MYO3A: variants seen among roughly 807,000 people sequenced by gnomAD.
MYO3A encodes the protein myosin-IIIa.
Under a neutral mutation model 192.7 loss-of-function variants are expected in MYO3A, and 180 were observed. The ratio of observed to expected loss-of-function variants is 0.93; its 90% confidence interval spans 0.83 to 1.06. The LOEUF is 1.06. Ranked by LOEUF, MYO3A falls within the 50% of genes least tolerant of loss-of-function variation. The probability of loss-of-function intolerance (pLI) is 0.00; values close to 1 mark genes in which losing one functional copy is unlikely to be tolerated. For missense variants in MYO3A, 1,896 were observed against 1,905.0 expected, an observed-to-expected ratio of 1.00 and a Z score of 0.09; for synonymous variants, 628 against 645.3, an observed-to-expected ratio of 0.97 and a Z score of 0.41.
intron 4 of MYO3A, among the ~76,000 whole-genome samples, chr10:25,994,063 A>G (rs1192232288): frequency 2.0e-5 from 3 of 152,016 alleles, no homozygotes; most frequent in Non-Finnish European, 4.4e-5. Flanking sequence ...ATTCCTGGAT[A>G]TCCTTGTTAA....
At position 25,992,885 on chromosome 10, in the gene MYO3A, T is replaced by C. The variant is rs575776398; in HGVS notation, c.304-3605T>C. ...ACTTGATCATAGTGGATAAGCTTTT[T>C]GATGTGCTGCTGGATTCGGTTTGCC... is the stretch of plus-strand genomic sequence containing the variant. On this transcript the variant is annotated intron_variant, in intron 4 of 34. Transcript: ENST00000642920. 5.9e-5 allele frequency among the ~76,000 whole-genome samples: 9 copies of C among 152,352 alleles called. No homozygotes were observed. In the South Asian group the frequency reaches 1.9e-3, roughly 32 times the overall value.
At chr10:26,000,969 G>A (rs1022241218) in intron 6 of MYO3A, among the ~76,000 whole-genome samples, 4 of 152,180 alleles carry the variant, frequency 2.6e-5, no homozygotes, top group Admixed American at 6.5e-5. Flanking sequence ...TGGCTGGAGA[G>A]AGAGAGTGAT....
intron 10 of MYO3A, among the ~76,000 whole-genome samples, chr10:26,040,265 A>G (rs1317687379): frequency 7.2e-5 from 11 of 152,024 alleles, no homozygotes; most frequent in Non-Finnish European, 1.2e-4. Flanking sequence ...CTGATTTTCA[A>G]TGTGAAAATA....
At chr10:26,002,678 G>GATAATCAGAATGAGTCAGGGTGGAC (rs1564448527) in intron 6 of MYO3A, among the ~76,000 whole-genome samples, 16 of 129,628 alleles carry the variant, frequency 1.2e-4, no homozygotes, top group African/African-American at 5.9e-4. Flanking sequence ...TCAGGGTGGA[G>GATAATCAGAATGAGTCAGGGTGGAC]CAGGTGATTG....
intron 33 of MYO3A, 87 bp downstream of exon 33, chr10:26,201,392 T>A: frequency 9.2e-7 from 1 of 1,082,554 alleles, no homozygotes; most frequent in Non-Finnish European, 1.3e-6. Context: ...TAAAATCACC[T>A]ATTTTAGGCC....
intron 6 of MYO3A, among the ~76,000 whole-genome samples, chr10:25,998,601 A>G (rs901660171): frequency 2.0e-5 from 3 of 152,114 alleles, no homozygotes; most frequent in Admixed American, 1.3e-4. Context: ...AGGAGGGGCC[A>G]TTATTCTCTC....
chr10:26,015,368 T>G (rs1427408175), intron 6 of MYO3A, among the ~76,000 whole-genome samples: 1 of 152,188 alleles, frequency 6.6e-6, no homozygotes, highest in African/African-American at 2.4e-5. Flanking sequence ...AAGATGATTT[T>G]CCTAATCTTC....
At chr10:25,942,443 C>A (rs1588629843) in intron 2 of MYO3A, among the ~76,000 whole-genome samples, 3 of 152,260 alleles carry the variant, frequency 2.0e-5, no homozygotes, top group Admixed American at 6.5e-5. Flanking sequence ...TGATTGAATT[C>A]TTTGGCTTAT....
At chr10:25,968,210 GA>G (rs1838382038) in intron 4 of MYO3A, among the ~76,000 whole-genome samples, 1 of 152,154 alleles carries the variant, frequency 6.6e-6, no homozygotes, top group African/African-American at 2.4e-5. Flanking sequence ...TCATAGATAA[GA>G]ATGGCCACTG....
chr10:25,969,673 G>A (rs150936993), intron 4 of MYO3A, among the ~76,000 whole-genome samples: 5 of 152,130 alleles, frequency 3.3e-5, no homozygotes, highest in South Asian at 4.1e-4. Flanking sequence ...AAGAAGAGAC[G>A]AATAGAAACA....
intron 17 of MYO3A, among the ~76,000 whole-genome samples, chr10:26,110,651 A>G (rs1259841924): frequency 7.9e-5 from 12 of 152,166 alleles, no homozygotes; most frequent in Admixed American, 2.0e-4. Flanking sequence ...AGAGATCACT[A>G]AGCATTTAGA....
intron 34 of MYO3A, among the ~76,000 whole-genome samples, chr10:26,210,533 C>T (rs879677214): frequency 1.4e-4 from 22 of 152,190 alleles, no homozygotes; most frequent in Admixed American, 1.2e-3. Context: ...AAGCCACTAT[C>T]GGTCTTGCTT....
At chr10:26,136,721 C>G (rs894491086) in intron 20 of MYO3A, among the ~76,000 whole-genome samples, 2 of 152,146 alleles carry the variant, frequency 1.3e-5, no homozygotes, top group African/African-American at 4.8e-5. Flanking sequence ...AATAAAAACA[C>G]ACTAAGTACA....
At chr10:26,085,200 G>A (rs1836231402) in intron 14 of MYO3A, among the ~76,000 whole-genome samples, 1 of 151,484 alleles carries the variant, frequency 6.6e-6, no homozygotes, top group Admixed American at 6.6e-5. Context: ...TTTCAAAAAT[G>A]AAACTCATTT....
At chr10:26,063,102 A>T (rs1834612680) in intron 10 of MYO3A, among the ~76,000 whole-genome samples, 2 of 152,136 alleles carry the variant, frequency 1.3e-5, no homozygotes, top group Admixed American at 1.3e-4. Flanking sequence ...AGTGGAGGGA[A>T]AATTCTAATC....
At chr10:26,188,194 T>C (rs1387017768) in intron 31 of MYO3A, among the ~76,000 whole-genome samples, 10 of 152,228 alleles carry the variant, frequency 6.6e-5, no homozygotes, top group Non-Finnish European at 1.5e-4. Context: ...CTAACTGGCG[T>C]GAGGTGGTAT....
intron 6 of MYO3A, among the ~76,000 whole-genome samples, chr10:26,007,833 AT>A (rs1399773843): frequency 1.3e-3 from 201 of 152,002 alleles, no homozygotes; most frequent in African/African-American, 4.7e-3. Flanking sequence ...ATTCATTGCC[AT>A]CCCCATCAAG....
intron 6 of MYO3A, among the ~76,000 whole-genome samples, chr10:26,015,280 C>T (rs912318856): frequency 1.3e-5 from 2 of 152,068 alleles, no homozygotes; most frequent in South Asian, 2.1e-4. Flanking sequence ...GAATTTTCCA[C>T]CCATCAGCAG....
chr10:26,026,510 A>T lies in MYO3A; in HGVS notation c.931A>T (p.Met311Leu), dbSNP rs745434685. 2 of 1,614,192 alleles carry T rather than the reference A, an allele frequency of 1.2e-6. No homozygotes were observed. The highest frequency in any genetic ancestry group is 8.5e-7 in the Non-Finnish European group (1 of 1,180,008). The change falls in exon 10 of 35, where the codon ATG becomes TTG. Residue 311 changes from methionine to leucine, a missense_variant. Coordinates refer to ENST00000642920, the MANE Select transcript of MYO3A (RefSeq NM_017433.5). ...GGAATTCATTGGCATCCATCAATGC[A>T]TGGGAGGCACAGAAAAGGCCAGGTA... ...LTEFIGIHQC[M>L]GGTEKARRER...
Sources: allele counts gnomAD v4.1 joint callset (sites outside exome capture counted in the v4.1 genomes callset), GRCh38; gene constraint gnomAD v4.1.1; transcripts MANE v1.5; gene names NCBI Gene and HGNC (gene_info 2026-07-23, HGNC 2026-07-21).